Variants in PTPRS observed in about 807,000 individuals in gnomAD.
PTPRS encodes protein tyrosine phosphatase receptor type S.
In PTPRS, 63 loss-of-function variants were observed where a neutral mutation model predicts 215.3. That is an observed-to-expected ratio of 0.29 (90% CI 0.24 to 0.36). The LOEUF (loss-of-function observed/expected upper bound fraction) is 0.36, where lower values mean the gene tolerates loss of function less well. Among genes scored for constraint, PTPRS ranks in the 10% least tolerant of loss-of-function variants. The pLI is 1.00. For missense variants in PTPRS, 2,258 were observed against 2,825.8 expected, an observed-to-expected ratio of 0.80 and a Z score of 4.56; for synonymous variants, 1,404 against 1,191.4, an observed-to-expected ratio of 1.18 and a Z score of -3.68.
At chr19:5,334,195 G>A (rs1219945740) in intron 1 of PTPRS, among the ~76,000 whole-genome samples, 1 of 152,264 alleles carries the variant, frequency 6.6e-6, no homozygotes. Flanking sequence ...GTTTGCAGTG[G>A]CTGAGTCATC....
chr19:5,228,798 C>T (rs770426769), intron 16 of PTPRS, among the ~76,000 whole-genome samples: 3 of 152,208 alleles, frequency 2.0e-5, no homozygotes, highest in African/African-American at 4.8e-5. Flanking sequence ...GGGGTTGTAA[C>T]CAGGCTATCA....
chr19:5,279,099 T>G (rs188565229), intron 2 of PTPRS, among the ~76,000 whole-genome samples: 1 of 151,486 alleles, frequency 6.6e-6, no homozygotes, highest in Non-Finnish European at 1.5e-5. Flanking sequence ...GGCAGGAGAA[T>G]CGCTTGAACC....
chr19:5,269,646 G>C (rs902760051), intron 4 of PTPRS, among the ~76,000 whole-genome samples: 3 of 152,134 alleles, frequency 2.0e-5, no homozygotes, highest in Non-Finnish European at 4.4e-5. Context: ...TGTGGGCTCG[G>C]CACGGTGGCT....
At position 5,274,292 on chromosome 19, in the gene PTPRS, A is replaced by C; in HGVS notation, c.144T>G (p.Gly48=). Residue 48 remains glycine, a synonymous_variant, in exon 3 of 38, where the codon GGT becomes GGG. Coordinates refer to ENST00000262963, the MANE Select transcript of PTPRS (RefSeq NM_002850.4). ...EPKDQIGVSG[G]VASFVCQATG... Reference sequence around the variant, plus strand: ...TGGCCTGACACACGAAAGAGGCCACACCCCCCGACACGCCGATCTGGTCCT... The same window carrying C: ...TGGCCTGACACACGAAAGAGGCCACCCCCCCCGACACGCCGATCTGGTCCT... 6.2e-7 allele frequency: 1 copy of C among 1,611,586 alleles called. No individual in the cohort carries two copies. Among genetic ancestry groups the C allele is most frequent in the Non-Finnish European group, 8.5e-7 (1 of 1,179,460 alleles).
chr19:5,299,905 A>G, intron 1 of PTPRS, among the ~76,000 whole-genome samples: 1 of 151,814 alleles, frequency 6.6e-6, no homozygotes. Flanking sequence ...GAAAAAGAAA[A>G]AGGACCACTA....
intron 9 of PTPRS, among the ~76,000 whole-genome samples, chr19:5,251,825 G>A (rs1319177295): frequency 6.6e-6 from 1 of 152,148 alleles, no homozygotes. Context: ...TGCCCCTAGG[G>A]TTAAGCCAGC....
At chr19:5,283,576 C>CAA (rs143872694) in intron 2 of PTPRS, among the ~76,000 whole-genome samples, 7 of 143,222 alleles carry the variant, frequency 4.9e-5, no homozygotes, top group Non-Finnish European at 7.6e-5. Context: ...GACTCCGTCT[C>CAA]AAAAAAAAAA....
chr19:5,322,132 A>T (rs2050039100), intron 1 of PTPRS, among the ~76,000 whole-genome samples: 1 of 152,192 alleles, frequency 6.6e-6, no homozygotes, highest in African/African-American at 2.4e-5. Flanking sequence ...CCTGACAGGG[A>T]ACTGCAGGCC....
At chr19:5,271,973 G>A (rs1377625060) in intron 4 of PTPRS, among the ~76,000 whole-genome samples, 6 of 152,020 alleles carry the variant, frequency 3.9e-5, no homozygotes, top group Non-Finnish European at 7.4e-5. Context: ...TGATTCACCC[G>A]CCTCGGCCTC....
At chr19:5,292,337 C>T (rs1255563426) in intron 1 of PTPRS, among the ~76,000 whole-genome samples, 1 of 152,156 alleles carries the variant, frequency 6.6e-6, no homozygotes, top group Non-Finnish European at 1.5e-5. Context: ...GCCTCGCATC[C>T]ACCCTAGGGG....
At chr19:5,322,903 AG>A (rs1314648340) in intron 1 of PTPRS, among the ~76,000 whole-genome samples, 2,670 of 126,478 alleles carry the variant, frequency 0.021, 58 homozygotes, top group East Asian at 0.089. Context: ...AAAAAAAAGA[AG>A]AAGAAGAAGA....
In PTPRS at chr19:5,219,343, A is replaced by G; in HGVS notation, c.3890T>C (p.Ile1297Thr). The change falls in exon 23 of 38, where the codon ATC (isoleucine) becomes ACC (threonine). Residue 1297 changes from isoleucine (I) to threonine (T), a missense_variant. By Grantham distance (89) the Ile-to-Thr change is moderately conservative. This residue lies in a region of PTPRS where 927 missense variants were observed against 1,125.9 expected (regional missense o/e 0.82). Transcript: ENST00000262963. ...IGPVLAVVFIICIVIAILLYK... is the reference protein window; with the variant it reads ...IGPVLAVVFITCIVIAILLYK... ...GAGCAGGATAGCAATGACAATGCAG[A>G]TTATGAAGACCACGGCCAGCACAGG... 1 of 1,614,126 alleles carries G rather than the reference A, an allele frequency of 6.2e-7. No homozygotes were observed. The highest frequency in any genetic ancestry group is 8.5e-7 in the Non-Finnish European group (1 of 1,180,008).
At chr19:5,288,434 G>T (rs936213116) in intron 1 of PTPRS, among the ~76,000 whole-genome samples, 5 of 152,232 alleles carry the variant, frequency 3.3e-5, no homozygotes, top group African/African-American at 1.2e-4. Context: ...GAAGATGAAG[G>T]AAATAAAGCC....
intron 11 of PTPRS, among the ~76,000 whole-genome samples, chr19:5,241,719 C>T (rs2044055200): frequency 6.6e-6 from 1 of 152,028 alleles, no homozygotes; most frequent in Admixed American, 6.6e-5. Flanking sequence ...AGCCTGAGCC[C>T]CAAAGGAAAG....
intron 30 of PTPRS, 33 bp from the exon 31 acceptor site, chr19:5,212,524 G>A (rs748736466): frequency 3.0e-5 from 47 of 1,550,062 alleles, no homozygotes; most frequent in East Asian, 1.7e-4. Context: ...CTGTCACTCC[G>A]GCTCAACCTG....
At chr19:5,215,220 G>A (rs1338478222) in intron 28 of PTPRS, 69 bp downstream of exon 28, 2 of 1,586,764 alleles carry the variant, frequency 1.3e-6, no homozygotes, top group East Asian at 2.3e-5. Context: ...GGCCCAAGGG[G>A]AGACATGGGA....
intron 1 of PTPRS, among the ~76,000 whole-genome samples, chr19:5,329,937 G>A (rs536625774): frequency 9.0e-4 from 136 of 151,794 alleles, no homozygotes; most frequent in Admixed American, 3.0e-3. Flanking sequence ...ACTAGCCGCC[G>A]AGCATGGTGG....
Position 5,206,153 on chromosome 19 carries a change from CA to C in PTPRS, c.*620del, listed in dbSNP as rs2040351087. 1.4e-5 allele frequency among the ~76,000 whole-genome samples: 2 copies of C among 147,892 alleles called. No homozygotes were observed. Among genetic ancestry groups the C allele is most frequent in the African/African-American group, 5.0e-5 (2 of 39,816 alleles). ...AACTATCACACAAGGACGCTTTCTACAGTGAAAAAATAGACTGTCTTTGAAC... is the reference window on the plus strand; with the variant it reads ...AACTATCACACAAGGACGCTTTCTACGTGAAAAAATAGACTGTCTTTGAAC... On this transcript the variant is annotated 3_prime_UTR_variant, in exon 38 of 38. Coordinates refer to ENST00000262963, the MANE Select transcript of PTPRS (RefSeq NM_002850.4).
chr19:5,215,185 T>C, intron 28 of PTPRS, 104 bp downstream of exon 28: 1 of 1,486,114 alleles, frequency 6.7e-7, no homozygotes, highest in Non-Finnish European at 9.2e-7. Context: ...CTGGACCAGG[T>C]CTATGACCAG....
Sources: allele counts gnomAD v4.1 joint callset (sites outside exome capture counted in the v4.1 genomes callset), GRCh38; gene constraint gnomAD v4.1.1; regional missense constraint gnomAD v4.1.1; transcripts MANE v1.5; gene names NCBI Gene and HGNC (gene_info 2026-07-23, HGNC 2026-07-21).